The following HBS1L variants were observed in gnomAD, a reference collection of about 807,000 sequenced individuals.
The protein encoded by HBS1L is HBS1 like translational GTPase.
In HBS1L, 55 loss-of-function variants were observed where a neutral mutation model predicts 88.9. The observed-to-expected ratio is 0.62, with a 90% CI of 0.50 to 0.77. HBS1L has a LOEUF of 0.77. HBS1L is among the 30% of genes least tolerant of loss of function. The pLI, the probability that HBS1L is intolerant of heterozygous loss-of-function variation, is 0.00. For missense variants in HBS1L, 741 were observed against 829.3 expected, an observed-to-expected ratio of 0.89 and a Z score of 1.31; for synonymous variants, 267 against 288.5, an observed-to-expected ratio of 0.93 and a Z score of 0.76.
intron 8 of HBS1L, among the ~76,000 whole-genome samples, chr6:134,991,376 A>AATTT (rs1775133012): frequency 1.3e-5 from 2 of 152,210 alleles, no homozygotes; most frequent in Non-Finnish European, 2.9e-5. Flanking sequence ...GTGTGTGGCA[A>AATTT]ATTCAAATTT....
Position 135,039,682 on chromosome 6 carries a change from C to T in HBS1L, c.321G>A (p.Lys107=). ...PDEILIEAVL[K]NKFDVQKALS... ...AAGCCTTCTGCACATCAAACTTGTT[C>T]TTCAGAACTGCTTCAATTAATATTT... Residue 107 remains lysine, a synonymous_variant, in exon 4 of 18, where the codon AAG becomes AAA. Coordinates refer to ENST00000367837, the MANE Select transcript of HBS1L (RefSeq NM_006620.4). 6.2e-7 allele frequency: 1 copy of T among 1,614,054 alleles called. No homozygotes were observed. Among genetic ancestry groups the T allele is most frequent in the Non-Finnish European group, 8.5e-7 (1 of 1,179,984 alleles).
At chr6:135,032,148 C>G (rs1776404555) in intron 4 of HBS1L, among the ~76,000 whole-genome samples, 1 of 151,852 alleles carries the variant, frequency 6.6e-6, no homozygotes, top group Admixed American at 6.6e-5. Flanking sequence ...TTTTCACAAC[C>G]AGGTAGTTTG....
chr6:134,972,094 T>C (rs376884674), intron 15 of HBS1L, among the ~76,000 whole-genome samples: 9 of 152,172 alleles, frequency 5.9e-5, no homozygotes, highest in African/African-American at 2.2e-4. Context: ...TTATTTACCT[T>C]TCTAAAGTTC....
At chr6:135,028,428 T>C (rs1384848620) in intron 4 of HBS1L, among the ~76,000 whole-genome samples, 1 of 152,140 alleles carries the variant, frequency 6.6e-6, no homozygotes, top group Non-Finnish European at 1.5e-5. Flanking sequence ...TTGGATGAAA[T>C]GGACGTTTTT....
chr6:134,979,779 C>T (rs1393943302), intron 13 of HBS1L, among the ~76,000 whole-genome samples: 1 of 151,996 alleles, frequency 6.6e-6, no homozygotes. Flanking sequence ...GAATTTCAAG[C>T]GGTCCTCTCA....
At chr6:134,998,342 T>C (rs1324041376) in intron 5 of HBS1L, among the ~76,000 whole-genome samples, 1 of 152,250 alleles carries the variant, frequency 6.6e-6, no homozygotes, top group African/African-American at 2.4e-5. Context: ...TAACTTATTC[T>C]TTCCTTAACA....
intron 4 of HBS1L, among the ~76,000 whole-genome samples, chr6:135,008,337 A>C (rs1183035302): frequency 1.3e-5 from 2 of 152,280 alleles, no homozygotes; most frequent in Non-Finnish European, 2.9e-5. Context: ...CAAAGAAACA[A>C]GGGACAAATA....
rs112424574 is a variant in HBS1L, at chr6:135,054,653, A to C, written c.39T>G (p.Asp13Glu). Residue 13 changes from aspartate (D) to glutamate (E), a missense_variant, in exon 1 of 18, where the codon GAT becomes GAG. This residue lies in a region of HBS1L where 556 missense variants were observed against 598.4 expected (regional missense o/e 0.93). Transcript: ENST00000367837. Reference protein sequence around the residue: ...RHRNVRGYNYDEDFEDDDLYG... With the variant: ...RHRNVRGYNYEEDFEDDDLYG... ...CGGCATGACCCTGCCACCTACCTTCATCGTAGTTATAGCCTCGAACATTCC... is the reference window on the plus strand; with the variant it reads ...CGGCATGACCCTGCCACCTACCTTCCTCGTAGTTATAGCCTCGAACATTCC... The C allele has an allele frequency of 1.1e-4, 174 of 1,614,214 alleles. 2 individuals are homozygous for C. The African/African-American group carries it at 1.9e-3, about 18-fold the overall frequency.
At chr6:134,978,074 T>G (rs1475377803) in intron 15 of HBS1L, among the ~76,000 whole-genome samples, 1 of 151,982 alleles carries the variant, frequency 6.6e-6, no homozygotes, top group African/African-American at 2.4e-5. Context: ...CACAACTGAA[T>G]GTCTAGGATC....
chr6:135,039,655 C>T lies in HBS1L; in HGVS notation c.348G>A (p.Leu116=). 19 of 1,614,122 alleles carry T rather than the reference C, an allele frequency of 1.2e-5. No individual in the cohort carries two copies. Among genetic ancestry groups the T allele is most frequent in the Non-Finnish European group, 1.6e-5 (19 of 1,179,992 alleles). ...CTCTATCTTGTTCCAGAACCCCTGA[C>T]AAAGCCTTCTGCACATCAAACTTGT... ...LKNKFDVQKA[L]SGVLEQDRVQ... is the part of the protein sequence containing the mutation. The change falls in exon 4 of 18, where the codon TTG becomes TTA. Residue 116 remains leucine, a synonymous_variant. Transcript: ENST00000367837.
chr6:135,027,092 T>G (rs2114869990), intron 4 of HBS1L: 1 of 142,776 alleles, frequency 7.0e-6, no homozygotes, highest in South Asian at 2.2e-4. Context: ...TTCGGGAGAC[T>G]GAGGCCGGAG....
At chr6:135,032,394 G>C (rs373472531) in intron 4 of HBS1L, among the ~76,000 whole-genome samples, 7 of 152,110 alleles carry the variant, frequency 4.6e-5, no homozygotes, top group Admixed American at 2.0e-4. Flanking sequence ...AACTGCATAA[G>C]CTGAGCTTTA....
chr6:134,998,643 T>C (rs1465992116), intron 5 of HBS1L, among the ~76,000 whole-genome samples: 1 of 152,254 alleles, frequency 6.6e-6, no homozygotes, highest in South Asian at 2.1e-4. Context: ...ATGATGGATA[T>C]GTGTAAGCAC....
intron 2 of HBS1L, among the ~76,000 whole-genome samples, chr6:135,049,591 G>A (rs1019185721): frequency 9.9e-5 from 15 of 151,602 alleles, no homozygotes; most frequent in Admixed American, 6.6e-4. Flanking sequence ...CATTTTTTGA[G>A]ATGGAGTTTA....
At chr6:134,975,959 A>G (rs1774631794) in intron 15 of HBS1L, among the ~76,000 whole-genome samples, 1 of 152,184 alleles carries the variant, frequency 6.6e-6, no homozygotes, top group Non-Finnish European at 1.5e-5. Flanking sequence ...AATCCTGAAC[A>G]TAGTAAACAG....
chr6:134,978,595 C>A, intron 15 of HBS1L, 84 bp downstream of exon 15: 2 of 672,254 alleles, frequency 3.0e-6, no homozygotes, highest in Non-Finnish European at 5.1e-6. Context: ...ATAGTATCAC[C>A]ACTTGTAAAG....
intron 4 of HBS1L, among the ~76,000 whole-genome samples, chr6:135,006,212 A>G (rs557903978): frequency 6.6e-6 from 1 of 152,302 alleles, no homozygotes; most frequent in African/African-American, 2.4e-5. Context: ...TTAAAAATAA[A>G]TAAAATAACA....
chr6:135,004,705 T>C (rs984696922), intron 4 of HBS1L, among the ~76,000 whole-genome samples: 1 of 152,058 alleles, frequency 6.6e-6, no homozygotes, highest in Non-Finnish European at 1.5e-5. Flanking sequence ...ACAAACAGTT[T>C]AGGGAAAATT....
At chr6:135,016,167 G>A (rs544117637) in intron 4 of HBS1L, among the ~76,000 whole-genome samples, 13 of 152,152 alleles carry the variant, frequency 8.5e-5, no homozygotes, top group African/African-American at 2.6e-4. Context: ...ATTACAGGCC[G>A]GAGTCACCAT....
Sources: allele counts gnomAD v4.1 joint callset (sites outside exome capture counted in the v4.1 genomes callset), GRCh38; gene constraint gnomAD v4.1.1; regional missense constraint gnomAD v4.1.1; transcripts MANE v1.5; gene names NCBI Gene and HGNC (gene_info 2026-07-23, HGNC 2026-07-21).